TBC1D2B: variants seen among roughly 807,000 people sequenced by gnomAD.
TBC1D2B encodes TBC1 domain family member 2B, also known as TBC1 domain family, member 2B.
A neutral mutation model predicts 100.8 loss-of-function variants in TBC1D2B; 64 were observed. The observed-to-expected ratio is 0.64, with a 90% CI of 0.52 to 0.78. TBC1D2B has a LOEUF of 0.78. TBC1D2B is among the 30% of genes least tolerant of loss of function. TBC1D2B has a pLI of 0.00. For synonymous variants in TBC1D2B, 480 were observed against 479.7 expected, an observed-to-expected ratio of 1.00 and a Z score of -0.01; for missense variants, 1,052 against 1,218.4, an observed-to-expected ratio of 0.86 and a Z score of 2.03.
intron 12 of TBC1D2B, among the ~76,000 whole-genome samples, chr15:77,999,777 G>A (rs1230106233): frequency 1.2e-4 from 19 of 152,108 alleles, no homozygotes; most frequent in Admixed American, 1.2e-3. Context: ...GAGGCCCCTC[G>A]GCCCAGGCTG....
At chr15:78,008,533 C>T (rs1183461685) in intron 10 of TBC1D2B, among the ~76,000 whole-genome samples, 5 of 152,246 alleles carry the variant, frequency 3.3e-5, no homozygotes, top group African/African-American at 1.2e-4. Context: ...ACTCTCCTCC[C>T]CATCCTCCTC....
intron 2 of TBC1D2B, among the ~76,000 whole-genome samples, chr15:78,048,548 C>T (rs1204587500): frequency 6.6e-6 from 1 of 152,156 alleles, no homozygotes; most frequent in Admixed American, 6.5e-5. Context: ...GGTGTTTAGA[C>T]CTCTGTCTTT....
intron 3 of TBC1D2B, among the ~76,000 whole-genome samples, chr15:78,038,051 A>G (rs2141745016): frequency 6.6e-6 from 1 of 152,238 alleles, no homozygotes; most frequent in Non-Finnish European, 1.5e-5. Flanking sequence ...CCCCACGAGT[A>G]TAAAGGGCAG....
At chr15:78,033,259 T>G (rs1240224335) in intron 3 of TBC1D2B, among the ~76,000 whole-genome samples, 1 of 152,220 alleles carries the variant, frequency 6.6e-6, no homozygotes, top group Non-Finnish European at 1.5e-5. Flanking sequence ...TGAACCACCT[T>G]ACTTATACGC....
At chr15:78,066,905 C>CG (rs2073667314) in intron 1 of TBC1D2B, among the ~76,000 whole-genome samples, 1 of 152,228 alleles carries the variant, frequency 6.6e-6, no homozygotes, top group Non-Finnish European at 1.5e-5. Context: ...TGCCTCCTAT[C>CG]AAGTCAACCC....
chr15:78,022,549 A>ATTTTTTTTT (rs35996355), intron 6 of TBC1D2B, among the ~76,000 whole-genome samples: 1 of 150,544 alleles, frequency 6.6e-6, no homozygotes, highest in Non-Finnish European at 1.5e-5. Context: ...CACAAAGCCT[A>ATTTTTTTTT]TTTTTTTTTT....
chr15:78,035,820 T>C (rs1807919754), intron 3 of TBC1D2B, among the ~76,000 whole-genome samples: 1 of 152,236 alleles, frequency 6.6e-6, no homozygotes, highest in Non-Finnish European at 1.5e-5. Context: ...TTAGGGCACA[T>C]TCCTATAACC....
chr15:78,073,332 G>C (rs2073769416), intron 1 of TBC1D2B, among the ~76,000 whole-genome samples: 1 of 152,206 alleles, frequency 6.6e-6, no homozygotes, highest in African/African-American at 2.4e-5. Flanking sequence ...TCTCCAGAGA[G>C]AGCTGAAAGA....
intron 3 of TBC1D2B, among the ~76,000 whole-genome samples, chr15:78,035,365 G>A (rs916301534): frequency 3.3e-5 from 5 of 152,234 alleles, no homozygotes; most frequent in Non-Finnish European, 2.9e-5. Flanking sequence ...TGACAGAATT[G>A]TTGGGAAATG....
chr15:78,064,839 T>A (rs1356203234), intron 1 of TBC1D2B, among the ~76,000 whole-genome samples: 1 of 152,216 alleles, frequency 6.6e-6, no homozygotes, highest in Non-Finnish European at 1.5e-5. Context: ...AGGCAAATAC[T>A]GGATCTCCTG....
At chr15:78,025,759 G>A (rs1426159405) in intron 4 of TBC1D2B, 3 of 199,978 alleles carry the variant, frequency 1.5e-5, no homozygotes, top group African/African-American at 2.3e-5. Context: ...ATCTCCTGAC[G>A]TTGTGATCCT....
intron 6 of TBC1D2B, among the ~76,000 whole-genome samples, chr15:78,020,356 A>C (rs568054147): frequency 2.8e-4 from 43 of 152,328 alleles, no homozygotes; most frequent in Middle Eastern, 6.8e-3. Context: ...GTATGTCTTT[A>C]ACTTAAAACT....
rs190284537 is a variant in TBC1D2B, at chr15:78,027,452, G to A, written c.848-1955C>T. 1.9e-4 allele frequency among the ~76,000 whole-genome samples: 29 copies of A among 152,340 alleles called. No individual in the cohort carries two copies. The East Asian group carries it at 2.7e-3, about 14-fold the overall frequency. On this transcript the variant is annotated intron_variant, in intron 4 of 12. Coordinates refer to ENST00000300584, the MANE Select transcript of TBC1D2B (RefSeq NM_144572.2). ...TACAAGGAAGGGTAGTTCACTTTCT[G>A]TGAATAACATGGACAAGTTGGAGGG...
Position 78,021,914 on chromosome 15 carries a change from C to T in TBC1D2B, c.1470+2242G>A, listed in dbSNP as rs1033637821. 2.6e-5 allele frequency among the ~76,000 whole-genome samples: 4 copies of T among 152,290 alleles called. No homozygotes were observed. The Middle Eastern group carries it at 0.01, about 388-fold the overall frequency. On this transcript the variant is annotated intron_variant, in intron 6 of 12. Coordinates refer to ENST00000300584, the MANE Select transcript of TBC1D2B (RefSeq NM_144572.2). ...AGGAGCTGCATAGTCGCCACAGCCA[C>T]GAAGCATAACCTCCACGCACACCCT...
rs775023270 is a variant in TBC1D2B at position 78,016,767 on chromosome 15, T to C, written c.1582-28A>G. On this transcript the variant is annotated intron_variant, in intron 7 of 12. Coordinates refer to ENST00000300584, the MANE Select transcript of TBC1D2B (RefSeq NM_144572.2). Reference sequence around the variant, plus strand: ...GCAGAGAATGTGGTGGTTACCTCCATTCAGACAGAGACACAGGAAGAGCAA... The same window carrying C: ...GCAGAGAATGTGGTGGTTACCTCCACTCAGACAGAGACACAGGAAGAGCAA... 10 of 1,485,448 alleles carry C rather than the reference T, an allele frequency of 6.7e-6. No individual in the cohort carries two copies. In the East Asian group the frequency reaches 1.2e-4, roughly 18 times the overall value. The allele number at this position is 1,485,448 out of a possible 1,614,324, so 92.0% of individuals were successfully genotyped here. A position where few individuals can be genotyped will look rare whatever the true frequency, so the allele number is the denominator to read the frequency against.
intron 6 of TBC1D2B, 46 bp downstream of exon 6, chr15:78,024,110 C>T (rs953268845): frequency 7.7e-6 from 12 of 1,557,484 alleles, no homozygotes; most frequent in African/African-American, 5.4e-5. Flanking sequence ...GGGGTGACAT[C>T]GGTGGTCTCT....
chr15:78,075,161 G>A (rs538829634), intron 1 of TBC1D2B, among the ~76,000 whole-genome samples: 37 of 152,140 alleles, frequency 2.4e-4, no homozygotes, highest in African/African-American at 6.7e-4. Flanking sequence ...CTGACAATGC[G>A]CCTTGTAACC....
intron 1 of TBC1D2B, among the ~76,000 whole-genome samples, chr15:78,073,514 A>G (rs1365153113): frequency 1.3e-5 from 2 of 152,202 alleles, no homozygotes; most frequent in Non-Finnish European, 2.9e-5. Flanking sequence ...GGTCTCCTCT[A>G]TGGCTGGGCA....
intron 2 of TBC1D2B, among the ~76,000 whole-genome samples, chr15:78,050,467 G>A (rs562309945): frequency 6.6e-6 from 1 of 152,330 alleles, no homozygotes; most frequent in Admixed American, 6.5e-5. Context: ...ATTAGTTTAT[G>A]TGGGGAATGA....
Sources: gnomAD v4.1 joint callset for allele counts (sites outside exome capture counted in the v4.1 genomes callset) on GRCh38, gnomAD v4.1.1 for gene constraint, MANE v1.5 for transcripts, NCBI Gene and HGNC (gene_info 2026-07-23, HGNC 2026-07-21) for gene names.